Variants in NIPBL observed in about 807,000 individuals in gnomAD.
NIPBL encodes NIPBL cohesin loading factor.
Under a neutral mutation model 321.8 loss-of-function variants are expected in NIPBL, and 19 were observed. That is an observed-to-expected ratio of 0.06 (90% CI 0.04 to 0.09). The LOEUF is 0.09. Ranked by LOEUF, NIPBL falls within the 10% of genes least tolerant of loss-of-function variation. The pLI is 1.00. For missense variants in NIPBL, 2,210 were observed against 3,327.0 expected (o/e 0.66, Z 8.26); for synonymous variants, 1,106 against 1,114.1 (o/e 0.99, Z 0.14).
intron 9 of NIPBL, among the ~76,000 whole-genome samples, chr5:36,979,672 T>C (rs1743917803): frequency 6.6e-6 from 1 of 151,740 alleles, no homozygotes; most frequent in Non-Finnish European, 1.5e-5. Flanking sequence ...TGCTTGTACC[T>C]CTTCTCTTTA....
chr5:37,043,526 C>CAA (rs11288989), intron 34 of NIPBL, among the ~76,000 whole-genome samples: 15 of 142,122 alleles, frequency 1.1e-4, no homozygotes, highest in African/African-American at 3.9e-4. Flanking sequence ...GACTCTGTCT[C>CAA]AAAAAAAAAA....
intron 42 of NIPBL, among the ~76,000 whole-genome samples, chr5:37,054,772 A>G (rs1226597083): frequency 6.6e-6 from 1 of 152,224 alleles, no homozygotes; most frequent in Non-Finnish European, 1.5e-5. Flanking sequence ...AAACCAGGGA[A>G]GGAAGATGTT....
chr5:37,014,630 G>C, intron 21 of NIPBL, 53 bp from the exon 22 acceptor site: 1 of 1,058,382 alleles, frequency 9.4e-7, no homozygotes, highest in Non-Finnish European at 1.5e-6. Flanking sequence ...AATAGCAACA[G>C]GGCTAACTTA....
intron 1 of NIPBL, among the ~76,000 whole-genome samples, chr5:36,916,575 T>C (rs560012336): frequency 1.3e-5 from 2 of 152,308 alleles, no homozygotes; most frequent in East Asian, 3.9e-4. Context: ...TATGTATACA[T>C]GTGCCATGTT....
intron 46 of NIPBL, 62 bp from the exon 47 acceptor site, chr5:37,064,465 T>C (rs1388052292): frequency 2.5e-6 from 4 of 1,600,508 alleles, no homozygotes; most frequent in Non-Finnish European, 3.4e-6. Context: ...ATAAAAACAA[T>C]AATTTCACTA....
intron 1 of NIPBL, among the ~76,000 whole-genome samples, chr5:36,937,268 T>C (rs1183859110): frequency 6.6e-6 from 1 of 152,200 alleles, no homozygotes; most frequent in African/African-American, 2.4e-5. Flanking sequence ...AATCACCTTC[T>C]CATTTATTCC....
intron 1 of NIPBL, among the ~76,000 whole-genome samples, chr5:36,932,981 A>T (rs1749895668): frequency 6.6e-6 from 1 of 151,814 alleles, no homozygotes; most frequent in East Asian, 1.9e-4. Context: ...ACGCTACTGC[A>T]TGCAGCTCTC....
chr5:36,978,481 A>G (rs921625965), intron 9 of NIPBL, among the ~76,000 whole-genome samples: 1 of 151,860 alleles, frequency 6.6e-6, no homozygotes, highest in African/African-American at 2.4e-5. Context: ...ATAGATTCTC[A>G]GTATTAGACC....
intron 39 of NIPBL, 110 bp from the exon 40 acceptor site, chr5:37,049,001 A>T: frequency 9.3e-7 from 1 of 1,075,710 alleles, no homozygotes; most frequent in Non-Finnish European, 1.4e-6. Flanking sequence ...ATTGAGCCAG[A>T]ACACTAGCTG....
rs1379623081 is a variant in NIPBL, at chr5:37,036,505, T to C, written c.5971+18T>C. The C allele has an allele frequency of 9.7e-7, 1 of 1,027,036 alleles. No individual in the cohort carries two copies. The highest frequency in any genetic ancestry group is 2.9e-5 in the East Asian group (1 of 34,632). 63.6% of individuals were successfully genotyped at this position (1,027,036 alleles called of 1,614,324 possible). A position where few individuals can be genotyped will look rare whatever the true frequency, so the allele number is the denominator to read the frequency against. On this transcript the variant is annotated intron_variant, in intron 33 of 46. Transcript: ENST00000282516. ...TCTAGCTGGTAAGACATTTTATATA[T>C]ATATTGATCTTTAGTTGATTTTATA...
At chr5:37,039,354 A>G (rs908496715) in intron 34 of NIPBL, among the ~76,000 whole-genome samples, 1 of 151,250 alleles carries the variant, frequency 6.6e-6, no homozygotes, top group African/African-American at 2.4e-5. Context: ...GAAAATCTAT[A>G]ATATCATACC....
intron 1 of NIPBL, among the ~76,000 whole-genome samples, chr5:36,936,198 T>C (rs901422164): frequency 9.9e-5 from 15 of 152,170 alleles, no homozygotes; most frequent in Non-Finnish European, 2.9e-5. Context: ...CTGTTTGTGT[T>C]CAGTTTTAGG....
intron 45 of NIPBL, 51 bp downstream of exon 45, chr5:37,061,069 A>G (rs767974395): frequency 2.1e-6 from 3 of 1,426,454 alleles, no homozygotes; most frequent in Non-Finnish European, 3.0e-6. Flanking sequence ...TTTTTTGACA[A>G]GTAAATGTGG....
At chr5:36,888,031 G>C (rs1055604863) in intron 1 of NIPBL, among the ~76,000 whole-genome samples, 3 of 152,100 alleles carry the variant, frequency 2.0e-5, no homozygotes, top group Non-Finnish European at 4.4e-5. Flanking sequence ...TCTGACATTT[G>C]TAACACTTCC....
chr5:36,919,633 A>T (rs571569667), intron 1 of NIPBL, among the ~76,000 whole-genome samples: 1 of 152,218 alleles, frequency 6.6e-6, no homozygotes, highest in Non-Finnish European at 1.5e-5. Context: ...GGAGCTTTCA[A>T]TTTTGTAGGC....
chr5:36,993,287 T>C (rs1327263742), intron 10 of NIPBL, among the ~76,000 whole-genome samples: 4 of 152,192 alleles, frequency 2.6e-5, no homozygotes, highest in Non-Finnish European at 5.9e-5. Flanking sequence ...TGAATTACAT[T>C]GTTTAAACTT....
intron 1 of NIPBL, among the ~76,000 whole-genome samples, chr5:36,936,886 T>C (rs997733701): frequency 6.6e-6 from 1 of 151,790 alleles, no homozygotes; most frequent in Non-Finnish European, 1.5e-5. Flanking sequence ...GCCTGGCACA[T>C]AGTAGATATA....
intron 1 of NIPBL, among the ~76,000 whole-genome samples, chr5:36,925,272 C>CTT (rs11386035): frequency 0.025 from 3,677 of 145,594 alleles, 92 homozygotes; most frequent in African/African-American, 0.064. Flanking sequence ...TAATTCATTA[C>CTT]TTTTTTTTTT....
At chr5:37,058,100 A>G (rs919763189) in intron 43 of NIPBL, among the ~76,000 whole-genome samples, 5 of 152,198 alleles carry the variant, frequency 3.3e-5, no homozygotes, top group African/African-American at 1.2e-4. Flanking sequence ...AGTATAGACC[A>G]CACACCAGCA....
Sources: gnomAD v4.1 joint callset for allele counts (sites outside exome capture counted in the v4.1 genomes callset) on GRCh38, gnomAD v4.1.1 for gene constraint, MANE v1.5 for transcripts, NCBI Gene and HGNC (gene_info 2026-07-23, HGNC 2026-07-21) for gene names.